Variants in CUX2 observed in about 807,000 individuals in gnomAD.
CUX2 encodes homeobox protein cut-like 2.
In CUX2, 40 loss-of-function variants were observed where a neutral mutation model predicts 144.8. The ratio of observed to expected loss-of-function variants is 0.28; its 90% CI spans 0.21 to 0.36. The LOEUF is 0.36. CUX2 is among the 10% of genes least tolerant of loss of function. The pLI, the probability that CUX2 is intolerant of heterozygous loss-of-function variation, is 1.00. For missense variants in CUX2, 1,615 were observed against 1,994.0 expected, an observed-to-expected ratio of 0.81 and a Z score of 3.62; for synonymous variants, 827 against 875.6, an observed-to-expected ratio of 0.94 and a Z score of 0.98.
At position 111,267,211 on chromosome 12, in the gene CUX2, A is replaced by G. The variant is rs185051052; in HGVS notation, c.301+3372A>G. On this transcript the variant is annotated intron_variant, in intron 4 of 21. Transcript: ENST00000261726. The stretch of plus-strand genomic sequence containing the variant: ...AGACCCTGTCAAAAAAAAAAAAAAA[A>G]AAAAAAGAAAGAAAGGGAGGGAGGG... Among the ~76,000 whole-genome samples, 584 of 150,884 alleles carry G rather than the reference A, an allele frequency of 3.9e-3. 11 individuals are homozygous for G. The East Asian group carries it at 0.053, about 14-fold the overall frequency.
intron 1 of CUX2, among the ~76,000 whole-genome samples, chr12:111,181,636 T>C (rs11832104): frequency 0.28 from 42,164 of 152,178 alleles, 7,452 homozygotes; most frequent in East Asian, 0.56. Flanking sequence ...CCAGCTCCAT[T>C]GCCAGGCAGG....
At chr12:111,264,009 C>T (rs577036399) in intron 4 of CUX2, among the ~76,000 whole-genome samples, 170 bp downstream of exon 4, 1 of 152,196 alleles carries the variant, frequency 6.6e-6, no homozygotes, top group East Asian at 1.9e-4. Context: ...TGTGACATGT[C>T]CCCCCAGGGC....
At chr12:111,047,028 C>T (rs1348186435) in intron 1 of CUX2, among the ~76,000 whole-genome samples, 1 of 152,232 alleles carries the variant, frequency 6.6e-6, no homozygotes, top group Non-Finnish European at 1.5e-5. Flanking sequence ...ATTTGGGCCC[C>T]AAAGCCTGAG....
chr12:111,214,367 T>G, intron 2 of CUX2, 57 bp downstream of exon 2: 1 of 1,045,100 alleles, frequency 9.6e-7, no homozygotes, highest in East Asian at 2.5e-5. Flanking sequence ...TTTCTCTCCA[T>G]TCAAACTATA....
intron 1 of CUX2, among the ~76,000 whole-genome samples, chr12:111,187,985 A>G (rs1879651906): frequency 6.6e-6 from 1 of 152,208 alleles, no homozygotes; most frequent in Non-Finnish European, 1.5e-5. Context: ...AACTTGGCCT[A>G]TCTCATTTTC....
At chr12:111,093,775 T>C (rs2136057898) in intron 1 of CUX2, among the ~76,000 whole-genome samples, 1 of 152,350 alleles carries the variant, frequency 6.6e-6, no homozygotes, top group South Asian at 2.1e-4. Context: ...CTTCTTTTTC[T>C]TTTAAAAGTG....
chr12:111,211,931 A>G (rs1881257791), intron 1 of CUX2, among the ~76,000 whole-genome samples: 1 of 152,008 alleles, frequency 6.6e-6, no homozygotes, highest in South Asian at 2.1e-4. Context: ...TCCAAGATAG[A>G]GAGCTGTAAA....
intron 1 of CUX2, among the ~76,000 whole-genome samples, chr12:111,133,762 C>A (rs7313787): frequency 0.094 from 14,367 of 152,122 alleles, 2,342 homozygotes; most frequent in African/African-American, 0.33. Flanking sequence ...TGGCAGCTAC[C>A]TCAGGGGAGG....
chr12:111,245,869 T>C (rs1221835185), intron 3 of CUX2, among the ~76,000 whole-genome samples: 1 of 151,928 alleles, frequency 6.6e-6, no homozygotes, highest in African/African-American at 2.4e-5. Flanking sequence ...CAACCTCAGT[T>C]ACCCACGGGG....
At chr12:111,069,938 A>G (rs1283518439) in intron 1 of CUX2, among the ~76,000 whole-genome samples, 1 of 152,274 alleles carries the variant, frequency 6.6e-6, no homozygotes, top group East Asian at 1.9e-4. Context: ...TGTGGGCTTC[A>G]GTCTCTACAG....
At chr12:111,113,203 C>T (rs1592907626) in intron 1 of CUX2, among the ~76,000 whole-genome samples, 1 of 152,262 alleles carries the variant, frequency 6.6e-6, no homozygotes, top group Non-Finnish European at 1.5e-5. Context: ...TAGGAAGGTG[C>T]ATCAGGCCTT....
At chr12:111,332,543 A>G (rs765411973) in intron 18 of CUX2, among the ~76,000 whole-genome samples, 12 of 152,060 alleles carry the variant, frequency 7.9e-5, no homozygotes, top group Admixed American at 2.6e-4. Context: ...TATTCAGCCA[A>G]TCTCCTGTGG....
intron 1 of CUX2, among the ~76,000 whole-genome samples, chr12:111,094,346 CG>C (rs1566214787): frequency 6.6e-6 from 1 of 152,178 alleles, no homozygotes; most frequent in Non-Finnish European, 1.5e-5. Flanking sequence ...GGACGGGGAC[CG>C]GGAGCGGGCA....
At chr12:111,285,183 CA>C (rs751412777) in intron 4 of CUX2, among the ~76,000 whole-genome samples, 2 of 152,170 alleles carry the variant, frequency 1.3e-5, no homozygotes, top group Non-Finnish European at 2.9e-5. Flanking sequence ...ATGTATCCAT[CA>C]GGGTTCTTTA....
rs760791557 is a variant in CUX2 at position 111,186,391 on chromosome 12, G to T, written c.64-27809G>T. 1.3e-5 allele frequency among the ~76,000 whole-genome samples: 2 copies of T among 152,200 alleles called. No homozygotes were observed. The highest frequency in any genetic ancestry group is 2.9e-5 in the Non-Finnish European group (2 of 68,036). ...CAGGTGCTGAGAAAGTGGCATGAGG[G>T]CCTTGTGGGGAAGGCTAAGTTGCTA... On this transcript the variant is annotated intron_variant, in intron 1 of 21. Coordinates refer to ENST00000261726, the MANE Select transcript of CUX2 (RefSeq NM_015267.4). The surrounding 1 kb of genome is among the most constrained non-coding windows in gnomAD (Gnocchi z 4.4).
intron 1 of CUX2, among the ~76,000 whole-genome samples, chr12:111,175,222 T>C (rs545099207): frequency 3.2e-4 from 49 of 152,262 alleles, no homozygotes; most frequent in Middle Eastern, 6.8e-3. Flanking sequence ...CTTACTTTTC[T>C]CCGAGGAAAT....
intron 1 of CUX2, among the ~76,000 whole-genome samples, chr12:111,051,199 A>G (rs1490803857): frequency 6.6e-6 from 1 of 152,242 alleles, no homozygotes; most frequent in African/African-American, 2.4e-5. Context: ...GAAAGCCTCA[A>G]TGTAACTAAC....
At chr12:111,198,474 CAA>C (rs1462714448) in intron 1 of CUX2, among the ~76,000 whole-genome samples, 20 of 122,614 alleles carry the variant, frequency 1.6e-4, no homozygotes, top group Non-Finnish European at 1.8e-4. Flanking sequence ...GACCCTGTCT[CAA>C]AAAAAAAAAA....
At chr12:111,117,589 A>C (rs1353103177) in intron 1 of CUX2, among the ~76,000 whole-genome samples, 2 of 152,188 alleles carry the variant, frequency 1.3e-5, no homozygotes, top group Non-Finnish European at 2.9e-5. Flanking sequence ...GACCATAAGC[A>C]CTCAGTAAAC....
Sources: gnomAD v4.1 joint callset for allele counts (sites outside exome capture counted in the v4.1 genomes callset) on GRCh38, gnomAD v4.1.1 for gene constraint, Gnocchi (gnomAD v3.1) non-coding constraint, MANE v1.5 for transcripts, NCBI Gene and HGNC (gene_info 2026-07-23, HGNC 2026-07-21) for gene names.